Variants in MAPK10 observed in about 807,000 individuals in gnomAD.
The protein encoded by MAPK10 is JNK3 alpha protein kinase.
MAPK10 carries 25 observed loss-of-function variants against 59.3 expected under a neutral mutation model. The ratio of observed to expected loss-of-function variants is 0.42; its 90% CI spans 0.31 to 0.59. The LOEUF is 0.59. MAPK10 is among the 20% of genes least tolerant of loss of function. The pLI is 0.15. For synonymous variants in MAPK10, 190 were observed against 200.5 expected, an observed-to-expected ratio of 0.95 and a Z score of 0.44; for missense variants, 351 against 568.9, an observed-to-expected ratio of 0.62 and a Z score of 3.90.
At chr4:86,276,790 A>G (rs888926665) in intron 2 of MAPK10, among the ~76,000 whole-genome samples, 16 of 152,086 alleles carry the variant, frequency 1.1e-4, no homozygotes, top group Non-Finnish European at 5.9e-5. Flanking sequence ...GTCTGGTTCT[A>G]TCATTATCAC....
chr4:86,253,408 T>C (rs1286407471), intron 2 of MAPK10, among the ~76,000 whole-genome samples: 3 of 120,022 alleles, frequency 2.5e-5, no homozygotes, highest in East Asian at 2.0e-4. Flanking sequence ...TGTCAAAGGC[T>C]TTTTCTGCAT....
intron 3 of MAPK10, chr4:86,194,089 C>T (rs1010437045): frequency 4.2e-6 from 2 of 471,464 alleles, no homozygotes; most frequent in Non-Finnish European, 7.6e-6. Context: ...ACTCTCTAAC[C>T]TTTCCCAGTG....
intron 2 of MAPK10, among the ~76,000 whole-genome samples, chr4:86,315,589 A>C (rs554945642): frequency 6.6e-6 from 1 of 152,272 alleles, no homozygotes; most frequent in South Asian, 2.1e-4. Context: ...TCAGAAAGGA[A>C]AATACTAAAC....
intron 4 of MAPK10, among the ~76,000 whole-genome samples, chr4:86,136,513 C>T (rs1322797156): frequency 6.7e-6 from 1 of 150,116 alleles, no homozygotes; most frequent in Non-Finnish European, 1.5e-5. Context: ...CAGGCCTGCC[C>T]TAAAAGAGCT....
intron 2 of MAPK10, among the ~76,000 whole-genome samples, chr4:86,276,457 A>T (rs953679413): frequency 6.6e-6 from 1 of 152,040 alleles, no homozygotes; most frequent in Admixed American, 6.6e-5. Context: ...CCCAATGTTT[A>T]AAAAAAAGAT....
chr4:86,422,947 A>C (rs778467598), intron 1 of MAPK10, among the ~76,000 whole-genome samples: 9 of 152,160 alleles, frequency 5.9e-5, no homozygotes, highest in Non-Finnish European at 1.0e-4. Context: ...TTATTTGCTA[A>C]TGGACTTTAT....
intron 11 of MAPK10, among the ~76,000 whole-genome samples, chr4:86,042,314 G>A (rs1477773107): frequency 1.3e-5 from 2 of 152,108 alleles, no homozygotes; most frequent in African/African-American, 2.4e-5. Flanking sequence ...CACACACCAG[G>A]ACCTGTCAGA....
intron 4 of MAPK10, among the ~76,000 whole-genome samples, chr4:86,115,382 A>T (rs932992709): frequency 2.6e-5 from 4 of 152,014 alleles, no homozygotes; most frequent in Non-Finnish European, 5.9e-5. Context: ...ATTCAGTCCC[A>T]GTGAGAGAAC....
intron 1 of MAPK10, among the ~76,000 whole-genome samples, chr4:86,585,424 C>CA (rs1311334269): frequency 6.6e-6 from 1 of 152,044 alleles, no homozygotes; most frequent in Non-Finnish European, 1.5e-5. Context: ...AAAACTAAAA[C>CA]AAAAAACTGT....
At chr4:86,467,256 C>T (rs940533843) in intron 1 of MAPK10, among the ~76,000 whole-genome samples, 2 of 152,152 alleles carry the variant, frequency 1.3e-5, no homozygotes, top group Non-Finnish European at 2.9e-5. Flanking sequence ...GTCGCATAAT[C>T]AAATTGAATT....
chr4:86,503,163 T>C (rs1755453901), intron 1 of MAPK10, among the ~76,000 whole-genome samples: 1 of 152,158 alleles, frequency 6.6e-6, no homozygotes, highest in Non-Finnish European at 1.5e-5. Context: ...ATTCTGTTCC[T>C]GATGTTCTGA....
chr4:86,182,936 C>T (rs1452872502), intron 3 of MAPK10, among the ~76,000 whole-genome samples: 1 of 151,836 alleles, frequency 6.6e-6, no homozygotes, highest in Non-Finnish European at 1.5e-5. Context: ...TTTAAAAGAA[C>T]TCTCATTAAA....
intron 11 of MAPK10, among the ~76,000 whole-genome samples, chr4:86,061,228 A>G (rs1490245966): frequency 6.6e-6 from 1 of 152,156 alleles, no homozygotes; most frequent in Non-Finnish European, 1.5e-5. Context: ...TGAAGATGCA[A>G]ATAAGTCAAC....
At chr4:86,228,695 C>G (rs959149063) in intron 2 of MAPK10, among the ~76,000 whole-genome samples, 6 of 152,074 alleles carry the variant, frequency 3.9e-5, no homozygotes, top group African/African-American at 1.4e-4. Flanking sequence ...TGTTACCCAC[C>G]ATACAATGAA....
chr4:86,469,867 G>A (rs531782998), intron 1 of MAPK10, among the ~76,000 whole-genome samples: 2 of 152,278 alleles, frequency 1.3e-5, no homozygotes, highest in East Asian at 3.9e-4. Context: ...TGTAAAATAT[G>A]TAAATTCACC....
At chr4:86,213,592 C>A (rs2086493013) in intron 2 of MAPK10, among the ~76,000 whole-genome samples, 1 of 151,808 alleles carries the variant, frequency 6.6e-6, no homozygotes, top group South Asian at 2.1e-4. Flanking sequence ...TAATTGTATG[C>A]CAACAAATTG....
intron 4 of MAPK10, among the ~76,000 whole-genome samples, chr4:86,140,131 C>G (rs1167419052): frequency 3.8e-5 from 5 of 132,744 alleles, no homozygotes; most frequent in African/African-American, 1.6e-4. Flanking sequence ...GTGGCGACTC[C>G]TCAGGGATCT....
chr4:86,266,107 G>A (rs891251639), intron 2 of MAPK10, among the ~76,000 whole-genome samples: 7 of 152,174 alleles, frequency 4.6e-5, no homozygotes, highest in Admixed American at 6.5e-5. Context: ...AACATGTGAC[G>A]AACTTTGTGA....
At chr4:86,338,362 T>C (rs1399058323) in intron 2 of MAPK10, among the ~76,000 whole-genome samples, 8 of 152,208 alleles carry the variant, frequency 5.3e-5, no homozygotes, top group Non-Finnish European at 7.3e-5. Flanking sequence ...CAAACCTACG[T>C]AGAACGCCCC....
Sources: allele counts gnomAD v4.1 joint callset (sites outside exome capture counted in the v4.1 genomes callset), GRCh38; gene constraint gnomAD v4.1.1; transcripts MANE v1.5; gene names NCBI Gene and HGNC (gene_info 2026-07-23, HGNC 2026-07-21).